Variants in IL1RAPL1 observed in about 807,000 individuals in gnomAD.
The protein encoded by IL1RAPL1 is interleukin-1 receptor accessory protein-like 1.
IL1RAPL1 carries 3 observed loss-of-function variants against 48.4 expected under a neutral mutation model. That is an observed-to-expected ratio of 0.06 (90% CI 0.03 to 0.16). The LOEUF (loss-of-function observed/expected upper bound fraction) is 0.16. Among genes scored for constraint, IL1RAPL1 ranks in the 10% least tolerant of loss-of-function variants. The probability of loss-of-function intolerance (pLI) is 1.00; values close to 1 mark genes in which losing one functional copy is unlikely to be tolerated. For synonymous variants in IL1RAPL1, 185 were observed against 187.7 expected (o/e 0.99, Z 0.12); for missense variants, 349 against 530.6 (o/e 0.66, Z 3.36).
chrX:28,651,331 A>G (rs1416574066), intron 1 of IL1RAPL1, among the ~76,000 whole-genome samples: 1 of 112,342 alleles, frequency 8.9e-6, no homozygotes, highest in Non-Finnish European at 1.9e-5. Flanking sequence ...TCTTATTGGA[A>G]CACAGCCACA....
At chrX:29,536,214 A>G (rs1368993202) in intron 5 of IL1RAPL1, among the ~76,000 whole-genome samples, 1 of 112,141 alleles carries the variant, frequency 8.9e-6, no homozygotes, top group African/African-American at 3.2e-5. Flanking sequence ...AACAAGTATG[A>G]GAATCACTTC....
At chrX:29,529,617 C>A (rs1434284458) in intron 5 of IL1RAPL1, among the ~76,000 whole-genome samples, 9 of 90,626 alleles carry the variant, frequency 9.9e-5, no homozygotes, top group Non-Finnish European at 1.7e-4. Flanking sequence ...AAAAAAAAAC[C>A]CAACAACAAC....
intron 3 of IL1RAPL1, among the ~76,000 whole-genome samples, chrX:29,319,612 C>T (rs1030965916): frequency 5.6e-5 from 6 of 106,520 alleles, no homozygotes; most frequent in African/African-American, 1.7e-4. Context: ...ATATAGTTTT[C>T]GAAATGTTGT....
At chrX:28,763,166 A>G (rs1033368741) in intron 1 of IL1RAPL1, among the ~76,000 whole-genome samples, 1 of 111,272 alleles carries the variant, frequency 9.0e-6, no homozygotes, top group Non-Finnish European at 1.9e-5. Flanking sequence ...GGCCAGGGGC[A>G]TAGGATAAGT....
At chrX:29,048,191 T>C (rs764551649) in intron 2 of IL1RAPL1, among the ~76,000 whole-genome samples, 34 of 112,209 alleles carry the variant, frequency 3.0e-4, no homozygotes, top group Non-Finnish European at 5.4e-4. Flanking sequence ...GAATGAATTA[T>C]GTATGTAATG....
At chrX:29,223,097 T>C (rs1406217139) in intron 2 of IL1RAPL1, among the ~76,000 whole-genome samples, 3 of 111,513 alleles carry the variant, frequency 2.7e-5, no homozygotes, top group Non-Finnish European at 5.6e-5. Flanking sequence ...CTATATGTTA[T>C]AGCCAGAATG....
At chrX:29,584,185 A>G (rs781172455) in intron 5 of IL1RAPL1, among the ~76,000 whole-genome samples, 3 of 111,010 alleles carry the variant, frequency 2.7e-5, no homozygotes, top group South Asian at 7.6e-4. Flanking sequence ...CTCTGTCCAT[A>G]TCACTGCTCC....
chrX:28,765,759 A>T (rs906476047), intron 1 of IL1RAPL1, among the ~76,000 whole-genome samples: 1 of 112,362 alleles, frequency 8.9e-6, no homozygotes, highest in South Asian at 3.6e-4. Context: ...ATTAAAAAGT[A>T]TCATGGAACA....
intron 5 of IL1RAPL1, among the ~76,000 whole-genome samples, chrX:29,533,365 T>C (rs1039221605): frequency 8.9e-6 from 1 of 112,275 alleles, no homozygotes; most frequent in African/African-American, 3.2e-5. Flanking sequence ...TCATATACCA[T>C]GTGGATTTTT....
intron 2 of IL1RAPL1, among the ~76,000 whole-genome samples, chrX:28,947,171 C>T (rs1333262266): frequency 1.8e-5 from 2 of 111,500 alleles, no homozygotes; most frequent in Non-Finnish European, 3.8e-5. Context: ...GAGAGGAGCA[C>T]AGTCCCATAG....
intron 5 of IL1RAPL1, among the ~76,000 whole-genome samples, chrX:29,607,605 C>T (rs184391922): frequency 8.9e-6 from 1 of 111,996 alleles, no homozygotes; most frequent in East Asian, 2.8e-4. Flanking sequence ...CAGCAAAATT[C>T]ACAGGAATGC....
At chrX:29,269,326 A>G (rs1369835260) in intron 2 of IL1RAPL1, among the ~76,000 whole-genome samples, 1 of 111,491 alleles carries the variant, frequency 9.0e-6, no homozygotes, top group African/African-American at 3.3e-5. Flanking sequence ...GAGGCAGCTT[A>G]CATTTGGCTT....
intron 5 of IL1RAPL1, among the ~76,000 whole-genome samples, chrX:29,464,228 C>G (rs984489589): frequency 1.8e-5 from 2 of 111,872 alleles, no homozygotes; most frequent in Admixed American, 9.5e-5. Context: ...AACACTTGTT[C>G]AGCCTATCTA....
chrX:28,869,907 T>A (rs1036631796), intron 2 of IL1RAPL1, among the ~76,000 whole-genome samples: 7 of 111,846 alleles, frequency 6.3e-5, no homozygotes, highest in Non-Finnish European at 1.1e-4. Flanking sequence ...TAACCTACTT[T>A]TTGTCTCTAT....
chrX:29,300,675 C>A (rs1363751045), intron 3 of IL1RAPL1, among the ~76,000 whole-genome samples: 1 of 112,034 alleles, frequency 8.9e-6, no homozygotes, highest in Middle Eastern at 4.6e-3. Context: ...CTTGTTGACA[C>A]AGTGTAGAAA....
chrX:29,538,796 A>C (rs996479017), intron 5 of IL1RAPL1, among the ~76,000 whole-genome samples: 1 of 111,487 alleles, frequency 9.0e-6, no homozygotes, highest in Admixed American at 9.6e-5. Flanking sequence ...ATAGAACTTC[A>C]ACATAAAAGA....
chrX:29,197,352 C>G (rs1328147551), intron 2 of IL1RAPL1, among the ~76,000 whole-genome samples: 2 of 111,510 alleles, frequency 1.8e-5, no homozygotes, highest in Non-Finnish European at 3.8e-5. Flanking sequence ...AGAATTATCT[C>G]AGGCTCTCTG....
intron 6 of IL1RAPL1, among the ~76,000 whole-genome samples, chrX:29,830,996 A>G (rs778845956): frequency 1.8e-5 from 2 of 111,845 alleles, no homozygotes; most frequent in African/African-American, 6.5e-5. Context: ...AGAGCTAGGA[A>G]AGAATGGAGT....
intron 2 of IL1RAPL1, among the ~76,000 whole-genome samples, chrX:29,230,504 CAAAAAA>C (rs60539139): frequency 5.8e-3 from 96 of 16,584 alleles, no homozygotes; most frequent in African/African-American, 0.024. Context: ...GTCCCTTTAC[CAAAAAA>C]AAAAAAAAAA....
Sources: gnomAD v4.1 joint callset for allele counts (sites outside exome capture counted in the v4.1 genomes callset) on GRCh38, gnomAD v4.1.1 for gene constraint, MANE v1.5 for transcripts, NCBI Gene and HGNC (gene_info 2026-07-23, HGNC 2026-07-21) for gene names.